The following GSK3B variants were observed in gnomAD, a reference collection of about 807,000 sequenced individuals.
GSK3B encodes the protein glycogen synthase kinase 3 beta, also known as glycogen synthase kinase-3 beta.
A neutral mutation model predicts 56.4 loss-of-function variants in GSK3B; 15 were observed. That is an observed-to-expected ratio of 0.27 (90% CI 0.18 to 0.41). GSK3B has a LOEUF of 0.41. Ranked by LOEUF, GSK3B falls within the 10% of genes least tolerant of loss-of-function variation. The pLI, the probability that GSK3B is intolerant of heterozygous loss-of-function variation, is 1.00. For synonymous variants in GSK3B, 181 were observed against 188.9 expected, an observed-to-expected ratio of 0.96 and a Z score of 0.34; for missense variants, 300 against 513.4, an observed-to-expected ratio of 0.58 and a Z score of 4.02.
chr3:119,912,852 A>C lies in GSK3B; in HGVS notation c.609-42T>G, dbSNP rs201359189. On this transcript the variant is annotated intron_variant, in intron 5 of 10. Transcript: ENST00000264235. Reference sequence around the variant, plus strand: ...AAAAATAAAAAGCAGAAATTCTTTAAATCTAAACCTTAAAGAACTTAGACT... The same window carrying C: ...AAAAATAAAAAGCAGAAATTCTTTACATCTAAACCTTAAAGAACTTAGACT... 10 of 988,790 alleles carry C rather than the reference A, an allele frequency of 1.0e-5. No homozygotes were observed. The Middle Eastern group carries it at 8.6e-4, about 85-fold the overall frequency. The allele number at this position is 988,790 out of a possible 1,614,324, so 61.3% of individuals were successfully genotyped here.
chr3:119,856,989 G>A (rs2108026167), intron 9 of GSK3B, among the ~76,000 whole-genome samples: 1 of 152,240 alleles, frequency 6.6e-6, no homozygotes, highest in Non-Finnish European at 1.5e-5. Context: ...TGTAAGTGAT[G>A]AGTTTACCCT....
intron 1 of GSK3B, among the ~76,000 whole-genome samples, chr3:120,051,441 G>C (rs967848694): frequency 4.6e-5 from 7 of 152,038 alleles, no homozygotes; most frequent in African/African-American, 1.7e-4. Context: ...CATGAATAAA[G>C]GTTTTTTAAA....
intron 2 of GSK3B, among the ~76,000 whole-genome samples, chr3:119,965,167 C>T (rs1204023831): frequency 2.0e-5 from 3 of 150,516 alleles, no homozygotes; most frequent in Admixed American, 2.0e-4. Context: ...ATTCTCCTGC[C>T]TCAGCCTCCC....
intron 1 of GSK3B, among the ~76,000 whole-genome samples, chr3:120,065,641 A>G (rs1414348616): frequency 6.6e-6 from 1 of 152,188 alleles, no homozygotes; most frequent in Non-Finnish European, 1.5e-5. Context: ...CAGGTGTTCA[A>G]ACAAAAACTT....
intron 4 of GSK3B, among the ~76,000 whole-genome samples, chr3:119,922,892 T>C (rs1354023165): frequency 1.3e-5 from 2 of 152,158 alleles, no homozygotes; most frequent in Non-Finnish European, 2.9e-5. Flanking sequence ...GCATTGATAT[T>C]AGATACCAAA....
At chr3:120,014,019 A>C (rs979397537) in intron 1 of GSK3B, among the ~76,000 whole-genome samples, 7 of 151,664 alleles carry the variant, frequency 4.6e-5, no homozygotes, top group African/African-American at 1.2e-4. Flanking sequence ...AAAGTACAAA[A>C]AGCTACTTGG....
chr3:119,997,425 A>C (rs1290244360), intron 2 of GSK3B, among the ~76,000 whole-genome samples: 1 of 152,212 alleles, frequency 6.6e-6, no homozygotes, highest in Admixed American at 6.5e-5. Flanking sequence ...ACACATATCT[A>C]GATTAAAAAA....
intron 3 of GSK3B, among the ~76,000 whole-genome samples, chr3:119,943,855 T>G (rs2057073619): frequency 1.5e-5 from 2 of 134,458 alleles, no homozygotes; most frequent in Admixed American, 7.6e-5. Context: ...GGAAAAGAAA[T>G]CCAAAAAGGG....
At chr3:120,065,945 G>A (rs140654546) in intron 1 of GSK3B, among the ~76,000 whole-genome samples, 2,569 of 152,226 alleles carry the variant, frequency 0.017, 130 homozygotes, top group Admixed American at 0.11. Flanking sequence ...CAGGTCTGGG[G>A]CAAGGGGGAA....
chr3:120,021,901 T>C (rs1200913311), intron 1 of GSK3B, among the ~76,000 whole-genome samples: 1 of 152,180 alleles, frequency 6.6e-6, no homozygotes, highest in African/African-American at 2.4e-5. Flanking sequence ...AGTTCTACTA[T>C]GGGTAAAATG....
intron 9 of GSK3B, among the ~76,000 whole-genome samples, chr3:119,860,713 AAAC>A (rs2056090519): frequency 1.3e-5 from 2 of 152,236 alleles, no homozygotes; most frequent in African/African-American, 4.8e-5. Context: ...TTACTAATTA[AAAC>A]AACAATAGTA....
intron 2 of GSK3B, among the ~76,000 whole-genome samples, chr3:119,966,738 G>C (rs1030857363): frequency 6.6e-6 from 1 of 152,052 alleles, no homozygotes; most frequent in African/African-American, 2.4e-5. Context: ...TTATCTCAGG[G>C]TGATCTTTAT....
chr3:120,054,844 T>A (rs1057185116), intron 1 of GSK3B, among the ~76,000 whole-genome samples: 1 of 152,182 alleles, frequency 6.6e-6, no homozygotes, highest in South Asian at 2.1e-4. Flanking sequence ...TTTGAAAGTG[T>A]AGCACATGTA....
chr3:119,918,732 T>G (rs1404314695), intron 4 of GSK3B, among the ~76,000 whole-genome samples: 1 of 152,214 alleles, frequency 6.6e-6, no homozygotes, highest in Admixed American at 6.5e-5. Context: ...ACAATTTTTT[T>G]TATTTTTCAT....
intron 2 of GSK3B, among the ~76,000 whole-genome samples, chr3:119,949,616 T>G (rs1034684526): frequency 1.3e-5 from 2 of 151,936 alleles, no homozygotes; most frequent in African/African-American, 4.8e-5. Context: ...TCAAACATGG[T>G]AAGAAACTGA....
chr3:119,917,900 C>A lies in GSK3B; in HGVS notation c.478-1726G>T, dbSNP rs577698487. ...TTCTAGACTAGAATGATAGCAAAAA[C>A]AAGAACAGAAAAACAACTTATCATG... On this transcript the variant is annotated intron_variant, in intron 4 of 10. Transcript: ENST00000264235. Among the ~76,000 whole-genome samples the A allele has an allele frequency of 3.9e-5, 6 of 152,108 alleles. No homozygotes were observed. The East Asian group carries it at 9.7e-4, about 25-fold the overall frequency.
At chr3:119,893,858 T>C (rs1275521849) in intron 7 of GSK3B, among the ~76,000 whole-genome samples, 1 of 151,266 alleles carries the variant, frequency 6.6e-6, no homozygotes, top group Non-Finnish European at 1.5e-5. Context: ...CAGATAGATG[T>C]GCTCACTTTT....
At chr3:119,916,216 AAAC>A in intron 4 of GSK3B, 42 bp from the exon 5 acceptor site, 1 of 1,518,064 alleles carries the variant, frequency 6.6e-7, no homozygotes, top group Non-Finnish European at 9.1e-7. Flanking sequence ...TTCCTATTCT[AAAC>A]AAATCAGAAT....
chr3:119,834,583 T>C (rs1174226312), intron 10 of GSK3B, among the ~76,000 whole-genome samples: 3 of 152,110 alleles, frequency 2.0e-5, no homozygotes, highest in Non-Finnish European at 4.4e-5. Flanking sequence ...TTTAAGAAGT[T>C]TGGCTGTTCA....
Sources: allele counts gnomAD v4.1 joint callset (sites outside exome capture counted in the v4.1 genomes callset), GRCh38; gene constraint gnomAD v4.1.1; transcripts MANE v1.5; gene names NCBI Gene and HGNC (gene_info 2026-07-23, HGNC 2026-07-21).